Variants in GNAQ observed in about 807,000 individuals in gnomAD.
GNAQ encodes the protein guanine nucleotide-binding protein G(q) subunit alpha.
GNAQ carries 8 observed loss-of-function variants against 43.9 expected under a neutral mutation model. That is an observed-to-expected ratio of 0.18 (90% CI 0.11 to 0.33). The LOEUF (loss-of-function observed/expected upper bound fraction) is 0.33, where lower values mean the gene tolerates loss of function less well. GNAQ is among the 10% of genes least tolerant of loss of function. The pLI is 1.00. For synonymous variants in GNAQ, 155 were observed against 170.7 expected, an observed-to-expected ratio of 0.91 and a Z score of 0.71; for missense variants, 158 against 450.8, an observed-to-expected ratio of 0.35 and a Z score of 5.88.
chr9:77,896,433 A>G (rs1384725379), intron 2 of GNAQ, among the ~76,000 whole-genome samples: 1 of 152,200 alleles, frequency 6.6e-6, no homozygotes, highest in Non-Finnish European at 1.5e-5. Flanking sequence ...GTTTTACTGA[A>G]GTATTTCAGA....
chr9:77,722,244 C>T (rs1385807318), intron 6 of GNAQ, among the ~76,000 whole-genome samples: 1 of 151,798 alleles, frequency 6.6e-6, no homozygotes, highest in African/African-American at 2.4e-5. Context: ...TCAAGCGATT[C>T]TCTTGCCTCA....
intron 1 of GNAQ, among the ~76,000 whole-genome samples, chr9:78,010,923 T>G (rs991294444): frequency 6.6e-6 from 1 of 152,168 alleles, no homozygotes; most frequent in Non-Finnish European, 1.5e-5. Flanking sequence ...ATTCTAGCCA[T>G]GAAGGGGCTA....
chr9:77,821,045 A>G (rs1827105393), intron 2 of GNAQ, among the ~76,000 whole-genome samples: 2 of 152,244 alleles, frequency 1.3e-5, no homozygotes, highest in African/African-American at 2.4e-5. Context: ...AAAATAGAGA[A>G]TGTATGTTAA....
At chr9:77,900,710 TC>T (rs1828593691) in intron 2 of GNAQ, among the ~76,000 whole-genome samples, 1 of 152,114 alleles carries the variant, frequency 6.6e-6, no homozygotes, top group Admixed American at 6.5e-5. Flanking sequence ...GCAGTTTTTT[TC>T]CTTCATGTTT....
intron 2 of GNAQ, among the ~76,000 whole-genome samples, chr9:77,833,782 T>C (rs1210454302): frequency 6.6e-6 from 1 of 152,226 alleles, no homozygotes; most frequent in African/African-American, 2.4e-5. Flanking sequence ...ACTTGTTTTA[T>C]GTAAATCTTA....
At chr9:77,757,447 C>T (rs550060725) in intron 5 of GNAQ, among the ~76,000 whole-genome samples, 8 of 152,274 alleles carry the variant, frequency 5.3e-5, no homozygotes, top group South Asian at 2.1e-4. Flanking sequence ...CTAAGTCATT[C>T]GCTCTCTCCC....
At chr9:77,741,279 AATT>A (rs1280873822) in intron 5 of GNAQ, among the ~76,000 whole-genome samples, 6 of 152,226 alleles carry the variant, frequency 3.9e-5, no homozygotes, top group Non-Finnish European at 7.3e-5. Flanking sequence ...CAGCCACCTG[AATT>A]ATTAGTAACA....
At position 77,755,213 on chromosome 9, in the gene GNAQ, T is replaced by C. The variant is rs760044175; in HGVS notation, c.736-26546A>G. Among the ~76,000 whole-genome samples, 12 of 152,206 alleles carry C rather than the reference T, an allele frequency of 7.9e-5. 1 individual carries two copies. The highest frequency in any genetic ancestry group is 1.5e-4 in the Non-Finnish European group (10 of 68,022). On this transcript the variant is annotated intron_variant, in intron 5 of 6. Transcript: ENST00000286548. The stretch of plus-strand genomic sequence containing the variant: ...TTCATGCAGATAGAGAGCAGAATGA[T>C]GGCTATTAGAGGCTGGAAAGGGTAG...
At chr9:77,884,678 G>A (rs958462414) in intron 2 of GNAQ, among the ~76,000 whole-genome samples, 4 of 152,098 alleles carry the variant, frequency 2.6e-5, no homozygotes, top group African/African-American at 9.7e-5. Flanking sequence ...TCTTTCCTAA[G>A]GAGGACAGGC....
chr9:77,930,795 A>G (rs191569610), intron 1 of GNAQ, among the ~76,000 whole-genome samples: 1 of 152,186 alleles, frequency 6.6e-6, no homozygotes, highest in East Asian at 1.9e-4. Context: ...AAATATATGA[A>G]GCATATTAAG....
chr9:77,801,619 T>C (rs1210531455), intron 3 of GNAQ, among the ~76,000 whole-genome samples: 1 of 152,054 alleles, frequency 6.6e-6, no homozygotes, highest in Non-Finnish European at 1.5e-5. Context: ...TTGCTTGGGG[T>C]GAAAGAGTTA....
intron 2 of GNAQ, among the ~76,000 whole-genome samples, chr9:77,857,888 A>C (rs1827785110): frequency 6.9e-6 from 1 of 144,286 alleles, no homozygotes; most frequent in Admixed American, 6.9e-5. Context: ...TTTTTTTTCC[A>C]GTTCTGAATT....
intron 1 of GNAQ, among the ~76,000 whole-genome samples, chr9:78,016,748 A>G (rs542709472): frequency 2.7e-4 from 41 of 152,258 alleles, no homozygotes; most frequent in African/African-American, 8.7e-4. Flanking sequence ...AATTCAAATG[A>G]TAAGTTCAGG....
At chr9:77,842,229 G>A (rs1476420972) in intron 2 of GNAQ, among the ~76,000 whole-genome samples, 1 of 152,188 alleles carries the variant, frequency 6.6e-6, no homozygotes, top group Non-Finnish European at 1.5e-5. Context: ...GAAAGGATGA[G>A]AGTAACTACT....
chr9:77,833,386 C>G (rs1279720558), intron 2 of GNAQ, among the ~76,000 whole-genome samples: 1 of 152,242 alleles, frequency 6.6e-6, no homozygotes, highest in African/African-American at 2.4e-5. Flanking sequence ...TTCTGAATGC[C>G]TGTGTTTCAG....
intron 5 of GNAQ, among the ~76,000 whole-genome samples, chr9:77,763,555 T>C (rs1243813440): frequency 1.3e-5 from 2 of 152,270 alleles, no homozygotes; most frequent in African/African-American, 4.8e-5. Flanking sequence ...ATTTGCGATT[T>C]TGCTAACTGC....
In GNAQ at chr9:77,717,671, A is replaced by G. The variant is rs1825247200; in HGVS notation, c.*3652T>C. 4.3e-6 allele frequency: 1 copy of G among 232,402 alleles called. No individual in the cohort carries two copies. The highest frequency in any genetic ancestry group is 8.5e-6 in the Non-Finnish European group (1 of 117,646). 14.4% of individuals were successfully genotyped at this position (232,402 alleles called of 1,614,324 possible). On this transcript the variant is annotated 3_prime_UTR_variant, in exon 7 of 7. Transcript: ENST00000286548. ...ACAATCAAGATAGTCTGAAGTACAA[A>G]AAAGTAAATTGCCCTTTAGCTGAAT...
chr9:77,760,830 T>C (rs1257531218), intron 5 of GNAQ, among the ~76,000 whole-genome samples: 1 of 140,566 alleles, frequency 7.1e-6, no homozygotes, highest in Non-Finnish European at 1.5e-5. Flanking sequence ...GCCCATCGTC[T>C]GAGATGTGGG....
At chr9:78,028,144 T>G (rs1824004993) in intron 1 of GNAQ, among the ~76,000 whole-genome samples, 1 of 152,206 alleles carries the variant, frequency 6.6e-6, no homozygotes, top group African/African-American at 2.4e-5. Flanking sequence ...TGAAGTATGC[T>G]CTTGTATATC....
Sources: allele counts gnomAD v4.1 joint callset (sites outside exome capture counted in the v4.1 genomes callset), GRCh38; gene constraint gnomAD v4.1.1; transcripts MANE v1.5; gene names NCBI Gene and HGNC (gene_info 2026-07-23, HGNC 2026-07-21).